The following TBPL1 variants were observed in gnomAD, a reference collection of about 807,000 sequenced individuals.
The protein encoded by TBPL1 is TATA-box binding protein like 1.
Under a neutral mutation model 22.1 loss-of-function variants are expected in TBPL1, and 4 were observed. The observed-to-expected ratio is 0.18, with a 90% confidence interval of 0.09 to 0.41. The LOEUF (loss-of-function observed/expected upper bound fraction) is 0.41, where lower values mean the gene tolerates loss of function less well. Among genes scored for constraint, TBPL1 ranks in the 10% least tolerant of loss-of-function variants. The pLI is 1.00. For missense variants in TBPL1, 115 were observed against 222.3 expected (o/e 0.52, Z 3.07); for synonymous variants, 64 against 71.0 (o/e 0.90, Z 0.50).
At chr6:133,969,251 C>CTTT (rs536421364) in intron 1 of TBPL1, among the ~76,000 whole-genome samples, 53 of 122,540 alleles carry the variant, frequency 4.3e-4, no homozygotes, top group Non-Finnish European at 5.6e-4. Context: ...ATAAAATACA[C>CTTT]TTTTTTTTTT....
intron 1 of TBPL1, among the ~76,000 whole-genome samples, chr6:133,967,590 C>A (rs780186598): frequency 3.3e-5 from 5 of 152,154 alleles, no homozygotes; most frequent in African/African-American, 4.8e-5. Context: ...TGTAGTATAG[C>A]CTATTGCTTG....
chr6:133,967,576 G>C (rs1009845922), intron 1 of TBPL1, among the ~76,000 whole-genome samples: 2 of 152,174 alleles, frequency 1.3e-5, no homozygotes, highest in African/African-American at 4.8e-5. Context: ...ACACACCTGG[G>C]CTATGTAGTA....
At chr6:133,981,873 A>G (rs1312357947) in intron 2 of TBPL1, among the ~76,000 whole-genome samples, 2 of 152,204 alleles carry the variant, frequency 1.3e-5, no homozygotes, top group East Asian at 3.8e-4. Context: ...TCCTTGACCT[A>G]TTTATACACA....
At chr6:133,985,315 T>C (rs1317741342) in intron 6 of TBPL1, among the ~76,000 whole-genome samples, 1,166 of 44,010 alleles carry the variant, frequency 0.026, 223 homozygotes, top group African/African-American at 0.088. Flanking sequence ...TATATATATA[T>C]ATATATATAT....
intron 1 of TBPL1, among the ~76,000 whole-genome samples, chr6:133,965,594 T>C (rs1436537523): frequency 6.6e-6 from 1 of 151,982 alleles, no homozygotes; most frequent in Non-Finnish European, 1.5e-5. Flanking sequence ...GGTTTTGTTA[T>C]TGTTGGAGTT....
chr6:133,954,718 G>T (rs930164794), intron 1 of TBPL1, among the ~76,000 whole-genome samples: 4 of 152,168 alleles, frequency 2.6e-5, no homozygotes, highest in Non-Finnish European at 5.9e-5. Flanking sequence ...CACAGCTTCT[G>T]TTTGTTCCCC....
intron 1 of TBPL1, among the ~76,000 whole-genome samples, chr6:133,965,557 A>G (rs758125650): frequency 6.6e-6 from 1 of 151,458 alleles, no homozygotes; most frequent in Non-Finnish European, 1.5e-5. Flanking sequence ...GAACCCCATG[A>G]TCAACAACTA....
intron 1 of TBPL1, among the ~76,000 whole-genome samples, chr6:133,979,562 A>C (rs963357087): frequency 6.6e-6 from 1 of 152,212 alleles, no homozygotes; most frequent in Non-Finnish European, 1.5e-5. Flanking sequence ...TTAAGGAATG[A>C]AAGTTAGGCC....
chr6:133,956,908 C>A (rs1042655389), intron 1 of TBPL1, among the ~76,000 whole-genome samples: 4 of 152,194 alleles, frequency 2.6e-5, no homozygotes, highest in Non-Finnish European at 5.9e-5. Flanking sequence ...GTATACGTAT[C>A]TGAGGTTTTT....
chr6:133,977,781 G>T (rs1776339750), intron 1 of TBPL1, among the ~76,000 whole-genome samples: 1 of 151,998 alleles, frequency 6.6e-6, no homozygotes, highest in South Asian at 2.1e-4. Context: ...AGCGTCAGGG[G>T]CCAGGCTGCT....
At chr6:133,963,047 A>G (rs939705723) in intron 1 of TBPL1, among the ~76,000 whole-genome samples, 4 of 152,264 alleles carry the variant, frequency 2.6e-5, no homozygotes, top group Admixed American at 6.5e-5. Context: ...AAAGTGTGCC[A>G]TTGAATTCAG....
intron 2 of TBPL1, among the ~76,000 whole-genome samples, chr6:133,982,098 A>G (rs984118255): frequency 3.9e-5 from 6 of 152,212 alleles, no homozygotes; most frequent in Non-Finnish European, 8.8e-5. Flanking sequence ...TGGGTGTTTC[A>G]GGGAAATGAT....
chr6:133,970,082 T>G (rs1443666019), intron 1 of TBPL1, among the ~76,000 whole-genome samples: 1 of 152,224 alleles, frequency 6.6e-6, no homozygotes, highest in Non-Finnish European at 1.5e-5. Flanking sequence ...ACGAATCTTC[T>G]GGGGAGCCCA....
At position 133,982,803 on chromosome 6, in the gene TBPL1, C is replaced by T. The variant is rs758743906; in HGVS notation, c.219-14C>T. The T allele has an allele frequency of 3.1e-6, 5 of 1,608,112 alleles. No individual in the cohort carries two copies. The African/African-American group carries it at 4.0e-5, about 13-fold the overall frequency. Reference sequence around the variant, plus strand: ...TGTGTAACTGATAATCTTTTTCTTTCCTTAAAACCGTAGTGAAGAAGAAGC... The same window carrying T: ...TGTGTAACTGATAATCTTTTTCTTTTCTTAAAACCGTAGTGAAGAAGAAGC... On this transcript the variant is annotated splice_polypyrimidine_tract_variant and intron_variant, in intron 3 of 6. Transcript: ENST00000237264.
chr6:133,970,105 G>GTTAA (rs972576921), intron 1 of TBPL1, among the ~76,000 whole-genome samples: 11 of 152,152 alleles, frequency 7.2e-5, no homozygotes, highest in Non-Finnish European at 2.9e-5. Flanking sequence ...ACTTTGCAGT[G>GTTAA]TTAAGTATCT....
chr6:133,982,339 A>G (rs1776430734), intron 2 of TBPL1, among the ~76,000 whole-genome samples: 1 of 152,152 alleles, frequency 6.6e-6, no homozygotes, highest in Non-Finnish European at 1.5e-5. Context: ...ATATAGAGTG[A>G]GAGATTTCTA....
chr6:133,984,944 G>A (rs1336089707), intron 6 of TBPL1, among the ~76,000 whole-genome samples: 2 of 151,674 alleles, frequency 1.3e-5, no homozygotes, highest in African/African-American at 2.4e-5. Context: ...TAGATCATTC[G>A]TTCTTATTGG....
At chr6:133,978,524 T>TGATGG (rs1776353686) in intron 1 of TBPL1, among the ~76,000 whole-genome samples, 1 of 152,232 alleles carries the variant, frequency 6.6e-6, no homozygotes, top group Admixed American at 6.5e-5. Flanking sequence ...CTTATATATC[T>TGATGG]ATCCATCAGT....
At chr6:133,971,894 G>A (rs1000196692) in intron 1 of TBPL1, among the ~76,000 whole-genome samples, 1 of 152,098 alleles carries the variant, frequency 6.6e-6, no homozygotes, top group Admixed American at 6.5e-5. Flanking sequence ...TTTTCACCCT[G>A]TTAATAGTTT....
Sources: allele counts gnomAD v4.1 joint callset (sites outside exome capture counted in the v4.1 genomes callset), GRCh38; gene constraint gnomAD v4.1.1; transcripts MANE v1.5; gene names NCBI Gene and HGNC (gene_info 2026-07-23, HGNC 2026-07-21).